The following CASR variants were observed in gnomAD, a reference collection of about 807,000 sequenced individuals.
The protein encoded by CASR is extracellular calcium-sensing receptor.
A neutral mutation model predicts 69.1 loss-of-function variants in CASR; 23 were observed. The observed-to-expected ratio is 0.33, with a 90% CI of 0.24 to 0.47. CASR has a LOEUF of 0.47. Among genes scored for constraint, CASR ranks in the 20% least tolerant of loss-of-function variants. The pLI, the probability that CASR is intolerant of heterozygous loss-of-function variation, is 1.00. For missense variants in CASR, 924 were observed against 1,356.1 expected (o/e 0.68, Z 5.00); for synonymous variants, 541 against 544.7 (o/e 0.99, Z 0.10).
At chr3:122,268,301 G>C (rs529354462) in intron 4 of CASR, among the ~76,000 whole-genome samples, 10 of 152,164 alleles carry the variant, frequency 6.6e-5, no homozygotes, top group Non-Finnish European at 1.2e-4. Flanking sequence ...TAGGTGAGGA[G>C]GGTAAGACCC....
intron 1 of CASR, among the ~76,000 whole-genome samples, chr3:122,226,484 C>T (rs982446451): frequency 5.3e-5 from 8 of 152,092 alleles, no homozygotes; most frequent in Non-Finnish European, 1.0e-4. Context: ...GCTTCCACAG[C>T]GTGGAAGGGG....
chr3:122,272,091 G>A (rs1483605651), intron 4 of CASR, among the ~76,000 whole-genome samples: 4 of 148,820 alleles, frequency 2.7e-5, no homozygotes, highest in Non-Finnish European at 4.5e-5. Flanking sequence ...TCCTAGGAAT[G>A]CACACACACA....
At chr3:122,222,525 T>C (rs1305023371) in intron 1 of CASR, among the ~76,000 whole-genome samples, 1 of 152,162 alleles carries the variant, frequency 6.6e-6, no homozygotes, top group Non-Finnish European at 1.5e-5. Flanking sequence ...AATAAAGGAT[T>C]CAATTCAACA....
chr3:122,236,153 T>C (rs1045996525), intron 1 of CASR, among the ~76,000 whole-genome samples: 7 of 152,206 alleles, frequency 4.6e-5, no homozygotes, highest in African/African-American at 1.7e-4. Context: ...AAGAAATCAA[T>C]TGAATGGGTT....
At chr3:122,238,344 G>T (rs528184353) in intron 1 of CASR, among the ~76,000 whole-genome samples, 1 of 152,180 alleles carries the variant, frequency 6.6e-6, no homozygotes, top group African/African-American at 2.4e-5. Flanking sequence ...GCTGGCATTC[G>T]CTGAGGAGGA....
chr3:122,256,592 G>A (rs1431771000), intron 2 of CASR, among the ~76,000 whole-genome samples: 1 of 152,000 alleles, frequency 6.6e-6, no homozygotes, highest in Non-Finnish European at 1.5e-5. Context: ...ACCCTATGAG[G>A]CAAGTGTCAT....
rs2074956832 is a variant in CASR at position 122,285,264 on chromosome 3, C to T, written c.*73C>T. On this transcript the variant is annotated 3_prime_UTR_variant, in exon 7 of 7. Transcript: ENST00000639785. ...GGGTCCCAGGGAAGAGGAATCGCCC[C>T]AGACTCCTTTCCTCTGAGGAAGAAG... 7.4e-7 allele frequency: 1 copy of T among 1,357,214 alleles called. No individual in the cohort carries two copies. The highest frequency in any genetic ancestry group is 1.1e-6 in the Non-Finnish European group (1 of 950,410). 84.1% of individuals were successfully genotyped at this position (1,357,214 alleles called of 1,614,324 possible).
chr3:122,271,122 A>G (rs1406290731), intron 4 of CASR, among the ~76,000 whole-genome samples: 1 of 152,170 alleles, frequency 6.6e-6, no homozygotes, highest in South Asian at 2.1e-4. Flanking sequence ...ATTTATCCTC[A>G]GACTGATAAA....
At chr3:122,261,390 C>G in intron 3 of CASR, 138 bp from the exon 4 acceptor site, 1 of 806,114 alleles carries the variant, frequency 1.2e-6, no homozygotes, top group South Asian at 1.4e-5. Flanking sequence ...TTCTTTCATC[C>G]TGTATACAGT....
Position 122,262,135 on chromosome 3 carries a change from C to T in CASR, c.1100C>T (p.Pro367Leu). 1 of 1,614,192 alleles carries T rather than the reference C, an allele frequency of 6.2e-7. No individual in the cohort carries two copies. Among genetic ancestry groups the T allele is most frequent in the Non-Finnish European group, 8.5e-7 (1 of 1,180,036 alleles). Residue 367 changes from proline to leucine, a missense_variant, in exon 4 of 7, where the codon CCT becomes CTT. Physicochemically the swap from Pro to Leu is moderately conservative, Grantham distance 98. This residue lies in a region of CASR where 310 missense variants were observed against 395.7 expected (regional missense o/e 0.78). Coordinates refer to ENST00000639785, the MANE Select transcript of CASR (RefSeq NM_000388.4). ...NCHLQEGAKG[P>L]LPVDTFLRGH... ...CACCTCCAAGAAGGTGCAAAAGGAC[C>T]TTTACCTGTGGACACCTTTCTGAGA...
intron 1 of CASR, among the ~76,000 whole-genome samples, chr3:122,252,404 A>T (rs1376528735): frequency 5.3e-5 from 5 of 95,194 alleles, no homozygotes; most frequent in Admixed American, 2.1e-4. Flanking sequence ...GGAAGGAAGG[A>T]AGGAAAAAGA....
chr3:122,239,688 C>T (rs1302548767), intron 1 of CASR, among the ~76,000 whole-genome samples: 3 of 152,168 alleles, frequency 2.0e-5, no homozygotes, highest in Non-Finnish European at 4.4e-5. Context: ...CTTGTGTCAC[C>T]GCACCTCCAG....
intron 1 of CASR, chr3:122,247,868 C>T (rs928453295): frequency 1.3e-5 from 2 of 152,466 alleles, no homozygotes; most frequent in Non-Finnish European, 2.9e-5. Context: ...TCTTGTTCAT[C>T]CTTTTCCCTC....
intron 5 of CASR, among the ~76,000 whole-genome samples, chr3:122,277,627 A>C (rs879598543): frequency 3.3e-5 from 5 of 152,210 alleles, no homozygotes; most frequent in Non-Finnish European, 4.4e-5. Context: ...TCTGTCCACT[A>C]ATTATACCTT....
chr3:122,237,659 T>A (rs184263209), intron 1 of CASR, among the ~76,000 whole-genome samples: 2 of 152,366 alleles, frequency 1.3e-5, no homozygotes, highest in Admixed American at 1.3e-4. Context: ...ACATATAGTA[T>A]GATACCCTTT....
At chr3:122,212,238 A>G (rs1342035905) in intron 1 of CASR, among the ~76,000 whole-genome samples, 1 of 152,176 alleles carries the variant, frequency 6.6e-6, no homozygotes, top group Non-Finnish European at 1.5e-5. Flanking sequence ...ATAAAAAGAA[A>G]CCAGATCATG....
At position 122,222,838 on chromosome 3, in the gene CASR, T is replaced by TAA. The variant is rs56177249; in HGVS notation, c.-242-31101_-242-31100dup. ...GCCCATAAAGCAAGTCTCAACAAAT[T>TAA]AAAAAAAAAATAGAAATCATGCCAA... On this transcript the variant is annotated intron_variant, in intron 1 of 6. Transcript: ENST00000639785. Among the ~76,000 whole-genome samples, 223 of 149,870 alleles carry TAA rather than the reference T, an allele frequency of 1.5e-3. 1 individual carries two copies. Among genetic ancestry groups the TAA allele is most frequent in the African/African-American group, 4.4e-3 (178 of 40,834 alleles).
At chr3:122,264,733 C>A (rs1576861349) in intron 4 of CASR, among the ~76,000 whole-genome samples, 1 of 152,124 alleles carries the variant, frequency 6.6e-6, no homozygotes, top group African/African-American at 2.4e-5. Flanking sequence ...CTCCTTTGAG[C>A]CTCAGGAACC....
At chr3:122,277,071 TG>T in intron 5 of CASR, among the ~76,000 whole-genome samples, 1 of 144,750 alleles carries the variant, frequency 6.9e-6, no homozygotes, top group South Asian at 2.3e-4. Context: ...TTTTTTGAGA[TG>T]GGGTCTGGCT....
Sources: allele counts gnomAD v4.1 joint callset (sites outside exome capture counted in the v4.1 genomes callset), GRCh38; gene constraint gnomAD v4.1.1; regional missense constraint gnomAD v4.1.1; transcripts MANE v1.5; gene names NCBI Gene and HGNC (gene_info 2026-07-23, HGNC 2026-07-21).